The following EXOC6 variants were observed in gnomAD, a reference collection of about 807,000 sequenced individuals.
EXOC6 encodes SEC15-like 1.
Under a neutral mutation model 112.5 loss-of-function variants are expected in EXOC6, and 60 were observed. That is an observed-to-expected ratio of 0.53 (90% CI 0.43 to 0.66). The LOEUF (loss-of-function observed/expected upper bound fraction) is 0.66, where lower values mean the gene tolerates loss of function less well. EXOC6 is among the 30% of genes least tolerant of loss of function. The probability of loss-of-function intolerance (pLI) is 0.00; values close to 1 mark genes in which losing one functional copy is unlikely to be tolerated. For missense variants in EXOC6, 855 were observed against 957.1 expected (o/e 0.89, Z 1.41); for synonymous variants, 295 against 308.0 (o/e 0.96, Z 0.44).
rs35061055 is a variant in EXOC6, at chr10:92,966,284, T to TATAATTATA, written c.1774-7767_1774-7766insAATTATAAT. Reference sequence around the variant, plus strand: ...GGTCTAGAAAGCATGTAATTATAATTATTATTATTATTATTATTATTATTA... The same window carrying TATAATTATA: ...GGTCTAGAAAGCATGTAATTATAATTATAATTATAATTATTATTATTATTATTATTATTA... On this transcript the variant is annotated intron_variant, in intron 17 of 21. Transcript: ENST00000260762. Among the ~76,000 whole-genome samples the TATAATTATA allele has an allele frequency of 5.6e-5, 8 of 142,644 alleles. 1 individual carries two copies. Among genetic ancestry groups the TATAATTATA allele is most frequent in the African/African-American group, 1.5e-4 (6 of 39,342 alleles). 93.6% of individuals were successfully genotyped at this position (142,644 alleles called of 152,430 possible). A position where few individuals can be genotyped will look rare whatever the true frequency, so the allele number is the denominator to read the frequency against.
chr10:92,893,354 T>C lies in EXOC6; in HGVS notation c.107T>C (p.Val36Ala). ...TACVGPTLRS[V>A]YDDQPNAHKK... Reference sequence around the variant, plus strand: ...GCTTTCTTATATACATTCAGGTCTGTGTATGATGACCAACCAAATGCGCAC... The same window carrying C: ...GCTTTCTTATATACATTCAGGTCTGCGTATGATGACCAACCAAATGCGCAC... The change falls in exon 2 of 22, where the codon GTG becomes GCG. Residue 36 changes from valine to alanine, a missense_variant. By Grantham distance (64) the Val-to-Ala change is moderately conservative. Coordinates refer to ENST00000260762, the MANE Select transcript of EXOC6 (RefSeq NM_019053.6). The C allele has an allele frequency of 6.2e-7, 1 of 1,609,802 alleles. No individual in the cohort carries two copies. The highest frequency in any genetic ancestry group is 8.5e-7 in the Non-Finnish European group (1 of 1,177,806).
intron 5 of EXOC6, among the ~76,000 whole-genome samples, chr10:92,907,379 T>C (rs1047179809): frequency 3.9e-5 from 6 of 152,200 alleles, no homozygotes; most frequent in Non-Finnish European, 8.8e-5. Flanking sequence ...CTTAACTCTC[T>C]ACATTTCTGG....
upstream of EXOC6, among the ~76,000 whole-genome samples, chr10:92,845,218 C>G (rs1847004000): frequency 6.6e-6 from 1 of 152,156 alleles, no homozygotes; most frequent in Non-Finnish European, 1.5e-5. Flanking sequence ...CCTGTCTGTG[C>G]CCTGCTACTC....
chr10:92,895,770 G>A (rs918708775), intron 4 of EXOC6, among the ~76,000 whole-genome samples: 8 of 150,234 alleles, frequency 5.3e-5, no homozygotes, highest in Non-Finnish European at 1.2e-4. Flanking sequence ...CATGATCATA[G>A]CTCACTGCAG....
chr10:92,979,000 A>G (rs1479212042), intron 18 of EXOC6, among the ~76,000 whole-genome samples: 3 of 152,334 alleles, frequency 2.0e-5, no homozygotes, highest in African/African-American at 7.2e-5. Flanking sequence ...AATATTGTCC[A>G]ATAGTGCAAA....
rs567970889 is a variant in EXOC6 at position 92,975,739 on chromosome 10, G to T, written c.1953+1507G>T. On this transcript the variant is annotated intron_variant, in intron 18 of 21. Coordinates refer to ENST00000260762, the MANE Select transcript of EXOC6 (RefSeq NM_019053.6). Reference sequence around the variant, plus strand: ...GGCCAGCCGCCCCGTCCGGGAGGGAGGTCGGGGGGCCAGCCCCCCGCCGGG... The same window carrying T: ...GGCCAGCCGCCCCGTCCGGGAGGGATGTCGGGGGGCCAGCCCCCCGCCGGG... 9.6e-3 allele frequency among the ~76,000 whole-genome samples: 1,245 copies of T among 129,368 alleles called. 40 individuals carry two copies. Among genetic ancestry groups the T allele is most frequent in the African/African-American group, 0.035 (1,188 of 34,040 alleles). 84.9% of individuals were successfully genotyped at this position (129,368 alleles called of 152,430 possible).
intron 1 of EXOC6, among the ~76,000 whole-genome samples, chr10:92,869,310 T>TA (rs528889952): frequency 0.13 from 18,623 of 142,998 alleles, 1,460 homozygotes; most frequent in African/African-American, 0.23. Context: ...CCCTTTCTTT[T>TA]AAAAAAAAAA....
rs1308036842 is a variant in EXOC6, at chr10:93,036,198, A to T, written c.2170-20726A>T. On this transcript the variant is annotated intron_variant, in intron 20 of 21. Coordinates refer to ENST00000260762, the MANE Select transcript of EXOC6 (RefSeq NM_019053.6). ...ACACCATTGCACTCCAGCCTGGGCA[A>T]CAAGAGTGAAACTCCATCTCAAAAA... 2.7e-5 allele frequency among the ~76,000 whole-genome samples: 4 copies of T among 150,510 alleles called. No individual in the cohort carries two copies. The East Asian group carries it at 7.8e-4, about 30-fold the overall frequency.
At chr10:92,931,251 C>T (rs1852017224) in intron 9 of EXOC6, among the ~76,000 whole-genome samples, 1 of 149,494 alleles carries the variant, frequency 6.7e-6, no homozygotes, top group South Asian at 2.1e-4. Context: ...TAATTGAAGA[C>T]CAATAAACCA....
chr10:92,923,684 T>C (rs1051373160), intron 8 of EXOC6, among the ~76,000 whole-genome samples: 2 of 152,294 alleles, frequency 1.3e-5, no homozygotes, highest in South Asian at 2.1e-4. Flanking sequence ...TCATTCCTTT[T>C]ATAACACAAT....
intron 13 of EXOC6, among the ~76,000 whole-genome samples, chr10:92,947,498 A>G (rs1233494739): frequency 6.6e-6 from 1 of 152,246 alleles, no homozygotes; most frequent in East Asian, 1.9e-4. Context: ...ATTTCTAATC[A>G]TGACATTATG....
chr10:92,962,533 GC>G (rs1854067225), intron 17 of EXOC6, among the ~76,000 whole-genome samples: 1 of 151,804 alleles, frequency 6.6e-6, no homozygotes, highest in Admixed American at 6.6e-5. Flanking sequence ...AGGACTACAG[GC>G]CCATGCTACT....
chr10:93,012,086 G>T (rs1844276271), intron 19 of EXOC6, among the ~76,000 whole-genome samples: 1 of 152,206 alleles, frequency 6.6e-6, no homozygotes, highest in South Asian at 2.1e-4. Flanking sequence ...TAACCAAAAG[G>T]TTACTCATTC....
chr10:93,012,082 A>G (rs1295504711), intron 19 of EXOC6, among the ~76,000 whole-genome samples: 2 of 152,176 alleles, frequency 1.3e-5, no homozygotes, highest in Non-Finnish European at 2.9e-5. Flanking sequence ...TGAGTAACCA[A>G]AAGGTTACTC....
chr10:93,018,083 A>G (rs1474867771), intron 20 of EXOC6, among the ~76,000 whole-genome samples: 1 of 151,966 alleles, frequency 6.6e-6, no homozygotes, highest in African/African-American at 2.4e-5. Context: ...GCAGACCATC[A>G]CATAACCATC....
Position 92,912,402 on chromosome 10 carries a change from G to C in EXOC6, c.663+2771G>C, listed in dbSNP as rs993697934. Among the ~76,000 whole-genome samples the C allele has an allele frequency of 3.3e-5, 5 of 151,972 alleles. No homozygotes were observed. The East Asian group carries it at 5.8e-4, about 18-fold the overall frequency. On this transcript the variant is annotated intron_variant, in intron 6 of 21. Coordinates refer to ENST00000260762, the MANE Select transcript of EXOC6 (RefSeq NM_019053.6). ...AGATAGTGAAAGCTGGGTCCAGGGG[G>C]GTCACTGCCTTCTGGTCCCACGGTG...
rs894584193 is a variant in EXOC6, at chr10:92,858,032, C to CCCCT, written c.101+9398_101+9399insCCCT. Among the ~76,000 whole-genome samples the CCCCT allele has an allele frequency of 5.6e-5, 8 of 142,836 alleles. 1 individual carries two copies. The highest frequency in any genetic ancestry group is 1.1e-4 in the Non-Finnish European group (7 of 66,390). The allele number at this position is 142,836 out of a possible 152,430, so 93.7% of individuals were successfully genotyped here. ...TTTTAGTTGACGGGTTCCCCCCCTC[C>CCCCT]GCCGGCCAGCAGTTTGAATATGTCT... On this transcript the variant is annotated intron_variant, in intron 1 of 21. Coordinates refer to ENST00000260762, the MANE Select transcript of EXOC6 (RefSeq NM_019053.6).
upstream of EXOC6, among the ~76,000 whole-genome samples, chr10:92,845,030 C>T (rs1429946034): frequency 1.3e-5 from 2 of 152,202 alleles, no homozygotes; most frequent in African/African-American, 4.8e-5. Context: ...AGTTTATTTA[C>T]AAGTCAAATC....
intron 20 of EXOC6, among the ~76,000 whole-genome samples, chr10:93,056,120 G>GT: frequency 6.6e-6 from 1 of 152,318 alleles, no homozygotes; most frequent in East Asian, 1.9e-4. Flanking sequence ...TAGGAAGTTG[G>GT]TTTTAAATGG....
Sources: allele counts gnomAD v4.1 joint callset (sites outside exome capture counted in the v4.1 genomes callset), GRCh38; gene constraint gnomAD v4.1.1; transcripts MANE v1.5; gene names NCBI Gene and HGNC (gene_info 2026-07-23, HGNC 2026-07-21).